The following TNR variants were observed in gnomAD, a reference collection of about 807,000 sequenced individuals.
TNR encodes tenascin-R.
In TNR, 45 loss-of-function variants were observed where a neutral mutation model predicts 150.4. That is an observed-to-expected ratio of 0.30 (90% CI 0.24 to 0.38). The LOEUF is 0.38. Among genes scored for constraint, TNR ranks in the 10% least tolerant of loss-of-function variants. TNR has a pLI of 1.00. For synonymous variants in TNR, 687 were observed against 678.4 expected, an observed-to-expected ratio of 1.01 and a Z score of -0.20; for missense variants, 1,544 against 1,759.1, an observed-to-expected ratio of 0.88 and a Z score of 2.19.
chr1:175,356,302 G>T lies in TNR; in HGVS notation c.3118+17C>A, dbSNP rs1651324075. On this transcript the variant is annotated intron_variant, in intron 16 of 22. Transcript: ENST00000367674. ...AAGTCCCCAGGGATACGGGTATGTAGGTGACCATGTACTCACGAGTAGAAA... is the reference window on the plus strand; with the variant it reads ...AAGTCCCCAGGGATACGGGTATGTATGTGACCATGTACTCACGAGTAGAAA... The T allele has an allele frequency of 2.5e-6, 4 of 1,613,714 alleles. No homozygotes were observed.
intron 2 of TNR, among the ~76,000 whole-genome samples, chr1:175,498,864 A>G (rs1436329786): frequency 6.6e-6 from 1 of 152,192 alleles, no homozygotes; most frequent in African/African-American, 2.4e-5. Context: ...TCATCTATTA[A>G]TAATATGCGC....
intron 1 of TNR, among the ~76,000 whole-genome samples, chr1:175,685,582 C>T (rs1293635717): frequency 1.3e-5 from 2 of 152,086 alleles, no homozygotes; most frequent in African/African-American, 4.8e-5. Context: ...CATGAAGGAG[C>T]AGGATAAGAA....
At chr1:175,572,715 AAT>A (rs66935833) in intron 1 of TNR, among the ~76,000 whole-genome samples, 20,394 of 148,398 alleles carry the variant, frequency 0.14, 1,867 homozygotes, top group African/African-American at 0.26. Flanking sequence ...ATATAGAGAG[AAT>A]ATATATATAT....
At chr1:175,649,750 C>G (rs558047186) in intron 1 of TNR, among the ~76,000 whole-genome samples, 10 of 152,158 alleles carry the variant, frequency 6.6e-5, no homozygotes, top group Admixed American at 5.9e-4. Flanking sequence ...TTATCTTCCT[C>G]TGAGTCTCCG....
chr1:175,473,011 A>G (rs1450047899), intron 2 of TNR, among the ~76,000 whole-genome samples: 1 of 152,228 alleles, frequency 6.6e-6, no homozygotes, highest in Non-Finnish European at 1.5e-5. Flanking sequence ...TGAATGTAGT[A>G]GTGATGAAAG....
intron 1 of TNR, among the ~76,000 whole-genome samples, chr1:175,702,814 A>T (rs910978820): frequency 2.0e-5 from 3 of 152,226 alleles, no homozygotes; most frequent in Non-Finnish European, 2.9e-5. Flanking sequence ...ATACCAAATG[A>T]GGATGTAGAT....
chr1:175,681,260 C>T (rs929313171), intron 1 of TNR, among the ~76,000 whole-genome samples: 1 of 152,096 alleles, frequency 6.6e-6, no homozygotes, highest in Admixed American at 6.5e-5. Flanking sequence ...CAGGAGGCCA[C>T]GTGAGGAAGC....
intron 1 of TNR, among the ~76,000 whole-genome samples, chr1:175,733,114 C>T (rs1358438655): frequency 6.6e-6 from 1 of 152,232 alleles, no homozygotes; most frequent in Non-Finnish European, 1.5e-5. Flanking sequence ...AGTAAAAATG[C>T]TATTTTCCCT....
chr1:175,625,503 G>A (rs578161617), intron 1 of TNR, among the ~76,000 whole-genome samples: 36 of 152,304 alleles, frequency 2.4e-4, no homozygotes, highest in South Asian at 1.2e-3. Context: ...CTAGTGTAGC[G>A]GAATTCCCAG....
chr1:175,340,703 C>A (rs959883688), intron 18 of TNR, among the ~76,000 whole-genome samples: 7 of 152,210 alleles, frequency 4.6e-5, no homozygotes, highest in African/African-American at 1.2e-4. Context: ...TAGATTTGAA[C>A]CTTCTCTTTG....
chr1:175,680,640 C>G (rs2101909951), intron 1 of TNR, among the ~76,000 whole-genome samples: 1 of 152,090 alleles, frequency 6.6e-6, no homozygotes, highest in South Asian at 2.1e-4. Flanking sequence ...AGAGACAGAG[C>G]CTCAAGGGGT....
chr1:175,377,162 G>A (rs1652428681), intron 9 of TNR, among the ~76,000 whole-genome samples: 2 of 152,054 alleles, frequency 1.3e-5, no homozygotes, highest in African/African-American at 4.8e-5. Context: ...CTGTAAAATG[G>A]GAATGCTAAC....
At chr1:175,506,136 G>A (rs1457582266) in intron 2 of TNR, among the ~76,000 whole-genome samples, 2 of 152,206 alleles carry the variant, frequency 1.3e-5, no homozygotes, top group African/African-American at 4.8e-5. Context: ...GCCATCCTTA[G>A]TGGCACTAGG....
At chr1:175,333,158 T>C (rs1284516546) in intron 20 of TNR, among the ~76,000 whole-genome samples, 1 of 152,224 alleles carries the variant, frequency 6.6e-6, no homozygotes, top group Non-Finnish European at 1.5e-5. Context: ...ACTATTAATA[T>C]AGTTTCTTTT....
intron 2 of TNR, among the ~76,000 whole-genome samples, chr1:175,455,378 T>C (rs1470254665): frequency 6.6e-6 from 1 of 152,248 alleles, no homozygotes; most frequent in South Asian, 2.1e-4. Context: ...TTAATGTGCA[T>C]TTTAAATGAA....
At chr1:175,685,262 T>C (rs557680524) in intron 1 of TNR, among the ~76,000 whole-genome samples, 3 of 152,336 alleles carry the variant, frequency 2.0e-5, no homozygotes, top group South Asian at 2.1e-4. Flanking sequence ...AGGAAAAGAC[T>C]TGAAACTTCA....
chr1:175,376,011 CT>C (rs1165059635), intron 9 of TNR, among the ~76,000 whole-genome samples: 2 of 152,134 alleles, frequency 1.3e-5, no homozygotes, highest in Non-Finnish European at 2.9e-5. Context: ...GGTCTCCCCC[CT>C]GAGTGGGGTA....
chr1:175,376,312 G>A (rs1315564011), intron 9 of TNR, among the ~76,000 whole-genome samples: 2 of 152,196 alleles, frequency 1.3e-5, no homozygotes, highest in Non-Finnish European at 2.9e-5. Context: ...TTTGTTGTCA[G>A]AAGCACTACC....
chr1:175,479,742 T>C (rs971927597), intron 2 of TNR, among the ~76,000 whole-genome samples: 1 of 152,156 alleles, frequency 6.6e-6, no homozygotes, highest in Non-Finnish European at 1.5e-5. Context: ...TGTGGGCTTC[T>C]GAAGATCTTA....
Sources: gnomAD v4.1 joint callset for allele counts (sites outside exome capture counted in the v4.1 genomes callset) on GRCh38, gnomAD v4.1.1 for gene constraint, MANE v1.5 for transcripts, NCBI Gene and HGNC (gene_info 2026-07-23, HGNC 2026-07-21) for gene names.